The following TTC39B variants were observed in gnomAD, a reference collection of about 807,000 sequenced individuals.
TTC39B encodes the protein tetratricopeptide repeat domain 39B.
TTC39B carries 92 observed loss-of-function variants against 96.6 expected under a neutral mutation model. The observed-to-expected ratio is 0.95, with a 90% CI of 0.80 to 1.13. The LOEUF is 1.13. Among genes scored for constraint, TTC39B ranks in the 50% most tolerant of loss-of-function variants. The probability of loss-of-function intolerance (pLI) is 0.00; values close to 1 mark genes in which losing one functional copy is unlikely to be tolerated. For synonymous variants in TTC39B, 367 were observed against 299.4 expected (o/e 1.23, Z -2.33); for missense variants, 955 against 809.3 (o/e 1.18, Z -2.18).
At chr9:15,165,757 C>G (rs1261386190) in exon 20 of TTC39B, 3 of 152,202 alleles carry the variant, frequency 2.0e-5, no homozygotes, top group African/African-American at 7.2e-5. Flanking sequence ...ATGAGAATAG[C>G]ATGGGGAAAA....
chr9:15,225,653 T>G (rs992634565), intron 3 of TTC39B, among the ~76,000 whole-genome samples: 2 of 152,040 alleles, frequency 1.3e-5, no homozygotes, highest in Admixed American at 1.3e-4. Context: ...TATTTAAAGA[T>G]AAAAGCGACT....
chr9:15,238,829 T>A (rs932098072), intron 2 of TTC39B, among the ~76,000 whole-genome samples: 1 of 151,980 alleles, frequency 6.6e-6, no homozygotes, highest in African/African-American at 2.4e-5. Flanking sequence ...CTACAAAAAA[T>A]ATGAAAATTA....
chr9:15,192,580 A>G lies in TTC39B; in HGVS notation c.930+10T>C, dbSNP rs1195171309. ...CAAAAGTTCTGGTTTCTATACAGTG[A>G]TTTCCTTACCAAATTAAAGGCCCCA... is the stretch of plus-strand genomic sequence containing the variant. On this transcript the variant is annotated intron_variant, in intron 9 of 19. Coordinates refer to ENST00000512701, the Ensembl canonical transcript of TTC39B. The G allele has an allele frequency of 2.5e-6, 4 of 1,607,312 alleles. No homozygotes were observed. Among genetic ancestry groups the G allele is most frequent in the African/African-American group, 1.3e-5 (1 of 74,710 alleles).
At chr9:15,179,161 TA>T (rs1475683574) in intron 17 of TTC39B, among the ~76,000 whole-genome samples, 1 of 152,200 alleles carries the variant, frequency 6.6e-6, no homozygotes, top group Non-Finnish European at 1.5e-5. Flanking sequence ...CTGACAAAGG[TA>T]GCCATTCCAC....
chr9:15,187,699 A>G lies in TTC39B; in HGVS notation c.1395+272T>C, dbSNP rs114083270. 8.2e-3 allele frequency among the ~76,000 whole-genome samples: 1,254 copies of G among 152,352 alleles called. 20 individuals are homozygous for G. Among genetic ancestry groups the G allele is most frequent in the African/African-American group, 0.028 (1,150 of 41,580 alleles). On this transcript the variant is annotated intron_variant, in intron 14 of 19. Coordinates refer to ENST00000512701, the Ensembl canonical transcript of TTC39B. ...AGTATCAAACTCCTGACCTCAAGCC[A>G]TCTTCCTGCCTTAGCCTCCCAAAGG...
At chr9:15,297,624 T>C (rs1824427831) in intron 1 of TTC39B, among the ~76,000 whole-genome samples, 1 of 152,132 alleles carries the variant, frequency 6.6e-6, no homozygotes, top group Non-Finnish European at 1.5e-5. Context: ...ATCTTACCCA[T>C]CATGTTGCCT....
chr9:15,304,534 T>C (rs1274445988), intron 1 of TTC39B, among the ~76,000 whole-genome samples: 1 of 152,128 alleles, frequency 6.6e-6, no homozygotes, highest in Non-Finnish European at 1.5e-5. Flanking sequence ...AAAACCTCCA[T>C]CCCACAGCTA....
chr9:15,278,797 CT>C (rs1823644746), intron 1 of TTC39B, among the ~76,000 whole-genome samples: 1 of 152,150 alleles, frequency 6.6e-6, no homozygotes, highest in Non-Finnish European at 1.5e-5. Flanking sequence ...TTCACAAATA[CT>C]CATAAAAAGT....
chr9:15,234,121 C>T (rs150165097), intron 2 of TTC39B, among the ~76,000 whole-genome samples: 7,996 of 145,546 alleles, frequency 0.055, 259 homozygotes, highest in South Asian at 0.072. Context: ...TCTGCCCGGC[C>T]GCCCCGTCTG....
intron 3 of TTC39B, among the ~76,000 whole-genome samples, chr9:15,225,579 C>T (rs187757643): frequency 2.0e-5 from 3 of 152,016 alleles, no homozygotes; most frequent in Non-Finnish European, 4.4e-5. Flanking sequence ...TTCTCCTTTC[C>T]TCCATTTTCC....
chr9:15,204,298 G>T (rs1022517622), intron 6 of TTC39B, among the ~76,000 whole-genome samples: 1 of 152,236 alleles, frequency 6.6e-6, no homozygotes, highest in South Asian at 2.1e-4. Flanking sequence ...GGAGGCCGAG[G>T]TGGGTGGATC....
chr9:15,170,354 A>T (rs1229547225), exon 20 of TTC39B: 1 of 152,186 alleles, frequency 6.6e-6, no homozygotes, highest in Non-Finnish European at 1.5e-5. Context: ...ATGAATACAC[A>T]GTAAGGTATT....
At chr9:15,254,010 A>C (rs928331142) in intron 2 of TTC39B, among the ~76,000 whole-genome samples, 1 of 152,180 alleles carries the variant, frequency 6.6e-6, no homozygotes, top group Admixed American at 6.5e-5. Context: ...CTGGAGAAAA[A>C]ATGTGGACTC....
intron 1 of TTC39B, among the ~76,000 whole-genome samples, chr9:15,275,747 T>G (rs1235166963): frequency 1.3e-5 from 2 of 152,144 alleles, no homozygotes; most frequent in African/African-American, 4.8e-5. Context: ...TTTACTACAG[T>G]CATGTTGTCT....
At chr9:15,233,773 G>A (rs1373192101) in intron 2 of TTC39B, among the ~76,000 whole-genome samples, 24 of 152,068 alleles carry the variant, frequency 1.6e-4, no homozygotes, top group African/African-American at 5.1e-4. Context: ...CTGCCCGGCC[G>A]CCACCCCGTC....
At chr9:15,300,551 C>T (rs995170427) in intron 1 of TTC39B, among the ~76,000 whole-genome samples, 2 of 152,182 alleles carry the variant, frequency 1.3e-5, no homozygotes, top group East Asian at 1.9e-4. Context: ...CCAGATTTAT[C>T]TTCCTAAAAT....
chr9:15,216,784 C>A (rs568559013), intron 3 of TTC39B, among the ~76,000 whole-genome samples: 1 of 152,112 alleles, frequency 6.6e-6, no homozygotes, highest in Admixed American at 6.5e-5. Context: ...TAGGTTCTGG[C>A]GATACAGCAA....
exon 20 of TTC39B, chr9:15,166,532 T>A (rs1032278168): frequency 6.6e-6 from 1 of 152,234 alleles, no homozygotes; most frequent in Non-Finnish European, 1.5e-5. Flanking sequence ...GAGGACAGTC[T>A]GTCAAGATCA....
At chr9:15,226,074 C>T (rs1397821863) in intron 2 of TTC39B, 62 bp from the exon 3 acceptor site, 8 of 1,397,050 alleles carry the variant, frequency 5.7e-6, no homozygotes, top group Non-Finnish European at 8.1e-6. Flanking sequence ...AAAGTCTACA[C>T]CAGTGCAATT....
Sources: allele counts gnomAD v4.1 joint callset (sites outside exome capture counted in the v4.1 genomes callset), GRCh38; gene constraint gnomAD v4.1.1; transcripts MANE v1.5; gene names NCBI Gene and HGNC (gene_info 2026-07-23, HGNC 2026-07-21).